Variants in ZNF469 observed in about 807,000 individuals in gnomAD.
ZNF469 encodes the protein zinc finger protein 469.
Under a neutral mutation model 1.0 loss-of-function variants are expected in ZNF469, and 1 was observed. That is an observed-to-expected ratio of 1.00 (90% CI 0.35 to 4.73). The LOEUF (loss-of-function observed/expected upper bound fraction) is 4.73, where lower values mean the gene tolerates loss of function less well. Ranked by LOEUF, ZNF469 falls within the 30% of genes most tolerant of loss-of-function variation. ZNF469 has a pLI of 0.16. For missense variants in ZNF469, 6,100 were observed against 5,356.3 expected (o/e 1.14, Z -4.33); for synonymous variants, 2,703 against 2,363.4 (o/e 1.14, Z -4.17).
At chr16:88,366,212 T>A in the ZNF469 span, among the ~76,000 whole-genome samples, 17 of 150,238 alleles carry the variant, frequency 1.1e-4, no homozygotes, top group African/African-American at 4.2e-4. Flanking sequence ...ATCATCATCA[T>A]CATCACCACC....
chr16:88,239,073 C>T, the ZNF469 span, among the ~76,000 whole-genome samples: 1 of 152,032 alleles, frequency 6.6e-6, no homozygotes, highest in African/African-American at 2.4e-5. Context: ...TGCACATGAA[C>T]TGGGATTGAC....
At chr16:88,289,193 G>C in the ZNF469 span, among the ~76,000 whole-genome samples, 1 of 146,250 alleles carries the variant, frequency 6.8e-6, no homozygotes, top group African/African-American at 2.6e-5. Context: ...ATGATGATTA[G>C]GTTGATGATG....
chr16:88,341,530 C>T, the ZNF469 span, among the ~76,000 whole-genome samples: 1 of 152,234 alleles, frequency 6.6e-6, no homozygotes, highest in Non-Finnish European at 1.5e-5. Context: ...AATTTCCTTT[C>T]GCATTGACTC....
At chr16:88,194,667 G>C in the ZNF469 span, 1 of 152,258 alleles carries the variant, frequency 6.6e-6, no homozygotes, top group Non-Finnish European at 1.5e-5. Flanking sequence ...TTTGTGACTT[G>C]ATCAGGGTAG....
At chr16:88,280,127 G>A in the ZNF469 span, among the ~76,000 whole-genome samples, 4 of 151,638 alleles carry the variant, frequency 2.6e-5, no homozygotes, top group Non-Finnish European at 5.9e-5. Context: ...GTGCCATGCT[G>A]ACGCTCGGTC....
Position 88,430,138 on chromosome 16 carries a change from G to A in ZNF469, c.2668G>A (p.Gly890Arg). The change falls in exon 3 of 3, where the codon GGG (glycine) becomes AGG (arginine). Residue 890 changes from glycine to arginine, a missense_variant. Gly to Arg is a moderately radical substitution (Grantham distance 125). Transcript: ENST00000565624. ...SSGHPLKSKAGVTPESKAPPP... is the reference protein window; with the variant it reads ...SSGHPLKSKARVTPESKAPPP... ...CGGACACCCCCTTAAGAGCAAGGCGGGGGTGACTCCAGAGAGCAAAGCTCC... is the reference window on the plus strand; with the variant it reads ...CGGACACCCCCTTAAGAGCAAGGCGAGGGTGACTCCAGAGAGCAAAGCTCC... The A allele has an allele frequency of 6.5e-7, 1 of 1,550,174 alleles. No homozygotes were observed. Among genetic ancestry groups the A allele is most frequent in the Non-Finnish European group, 8.7e-7 (1 of 1,146,912 alleles).
chr16:88,239,808 C>A, the ZNF469 span, among the ~76,000 whole-genome samples: 1 of 147,946 alleles, frequency 6.8e-6, no homozygotes, highest in Non-Finnish European at 1.5e-5. Flanking sequence ...GATCTGCCTG[C>A]CTTGGCCTCC....
At chr16:88,387,634 G>A (rs1904373196) in intron 1 of ZNF469, among the ~76,000 whole-genome samples, 1 of 152,216 alleles carries the variant, frequency 6.6e-6, no homozygotes, top group Non-Finnish European at 1.5e-5. Flanking sequence ...CACTGTTGCT[G>A]AAAGGGAGCT....
the ZNF469 span, among the ~76,000 whole-genome samples, chr16:88,141,781 C>T: frequency 2.0e-5 from 3 of 152,160 alleles, no homozygotes; most frequent in Non-Finnish European, 4.4e-5. Flanking sequence ...GTCGTGGTGA[C>T]GTCAGAGGCA....
At chr16:88,164,074 T>A in the ZNF469 span, among the ~76,000 whole-genome samples, 9 of 144,216 alleles carry the variant, frequency 6.2e-5, no homozygotes, top group Non-Finnish European at 9.1e-5. Context: ...AATGGATGGG[T>A]TGGTGGGTGG....
chr16:88,259,696 C>T, the ZNF469 span, among the ~76,000 whole-genome samples: 842 of 152,080 alleles, frequency 5.5e-3, 4 homozygotes, highest in African/African-American at 0.011. This position sits in a 1 kb window ranked among gnomAD's most constrained non-coding sequence, Gnocchi z 4.1. Context: ...GTCTCACCCC[C>T]ACCTGCACTC....
chr16:88,253,548 T>A, the ZNF469 span, among the ~76,000 whole-genome samples: 12 of 151,136 alleles, frequency 7.9e-5, no homozygotes, highest in Non-Finnish European at 1.6e-4. Context: ...TTGTTGTTTT[T>A]GTTTTTGGAG....
chr16:88,117,774 G>A, the ZNF469 span, among the ~76,000 whole-genome samples: 3 of 152,342 alleles, frequency 2.0e-5, no homozygotes, highest in South Asian at 2.1e-4. Flanking sequence ...CCCCGGTCGT[G>A]TGCAAGTGAC....
chr16:88,229,980 G>A, the ZNF469 span, among the ~76,000 whole-genome samples: 165 of 152,282 alleles, frequency 1.1e-3, no homozygotes, highest in African/African-American at 3.8e-3. Flanking sequence ...TGGGATCCAG[G>A]GCAGCAGCCT....
At chr16:88,233,661 G>T in the ZNF469 span, among the ~76,000 whole-genome samples, 1 of 152,352 alleles carries the variant, frequency 6.6e-6, no homozygotes, top group African/African-American at 2.4e-5. Context: ...TCAGCCCCAT[G>T]ACTCTCCCAC....
chr16:88,330,386 C>T, the ZNF469 span, among the ~76,000 whole-genome samples: 2 of 152,216 alleles, frequency 1.3e-5, no homozygotes, highest in Non-Finnish European at 1.5e-5. Flanking sequence ...GGTGCCATAG[C>T]CACGCCTTCT....
At chr16:88,241,992 T>A in the ZNF469 span, among the ~76,000 whole-genome samples, 1 of 151,808 alleles carries the variant, frequency 6.6e-6, no homozygotes, top group African/African-American at 2.4e-5. The surrounding 1 kb of genome is among the most constrained non-coding windows in gnomAD (Gnocchi z 4.8). Flanking sequence ...AGGAAGGGGG[T>A]TCATGCCGTA....
intron 1 of ZNF469, among the ~76,000 whole-genome samples, chr16:88,401,448 T>A (rs552530551): frequency 6.6e-6 from 1 of 152,184 alleles, no homozygotes; most frequent in Non-Finnish European, 1.5e-5. Flanking sequence ...GAGGGAAGAA[T>A]GGATGGATAG....
the ZNF469 span, among the ~76,000 whole-genome samples, chr16:88,115,202 C>T: frequency 2.0e-5 from 3 of 152,120 alleles, no homozygotes; most frequent in Non-Finnish European, 2.9e-5. Context: ...AAAGGGGAAA[C>T]GTGGCAGGAA....
Sources: gnomAD v4.1 joint callset for allele counts (sites outside exome capture counted in the v4.1 genomes callset) on GRCh38, gnomAD v4.1.1 for gene constraint, Gnocchi (gnomAD v3.1) non-coding constraint, MANE v1.5 for transcripts, NCBI Gene and HGNC (gene_info 2026-07-23, HGNC 2026-07-21) for gene names.